Variants in KCNMB2 observed in about 807,000 individuals in gnomAD.
The protein encoded by KCNMB2 is calcium-activated potassium channel subunit beta-2.
KCNMB2 carries 9 observed loss-of-function variants against 24.5 expected under a neutral mutation model. The ratio of observed to expected loss-of-function variants is 0.37; its 90% CI spans 0.22 to 0.64. The LOEUF is 0.64. Among genes scored for constraint, KCNMB2 ranks in the 30% least tolerant of loss-of-function variants. The pLI is 0.63. For missense variants in KCNMB2, 226 were observed against 284.3 expected (o/e 0.79, Z 1.47); for synonymous variants, 109 against 104.4 (o/e 1.04, Z -0.27).
At chr3:178,725,987 A>T (rs1722955391) in intron 1 of KCNMB2, among the ~76,000 whole-genome samples, 1 of 151,028 alleles carries the variant, frequency 6.6e-6, no homozygotes, top group African/African-American at 2.4e-5. Flanking sequence ...TGTTTTCTCT[A>T]TTTTTCATTC....
At chr3:178,730,927 A>T (rs1393584459) in intron 1 of KCNMB2, among the ~76,000 whole-genome samples, 4 of 152,202 alleles carry the variant, frequency 2.6e-5, no homozygotes, top group Non-Finnish European at 5.9e-5. Flanking sequence ...GCTCACTGTT[A>T]TTCATTCACT....
chr3:178,594,757 TAAAA>T (rs570195623), intron 1 of KCNMB2, among the ~76,000 whole-genome samples: 11 of 151,770 alleles, frequency 7.2e-5, no homozygotes, highest in African/African-American at 2.7e-4. Context: ...TGAGTATAGA[TAAAA>T]AAGAGGAATG....
At chr3:178,600,028 C>T (rs2108506786) in intron 1 of KCNMB2, among the ~76,000 whole-genome samples, 1 of 152,184 alleles carries the variant, frequency 6.6e-6, no homozygotes, top group South Asian at 2.1e-4. Context: ...CAGGTGTGTG[C>T]CACCATGCCC....
chr3:178,787,764 C>T (rs998682713), intron 1 of KCNMB2, among the ~76,000 whole-genome samples: 3 of 151,902 alleles, frequency 2.0e-5, no homozygotes. Context: ...AGTTTTGGTA[C>T]TTCATTTGCC....
intron 1 of KCNMB2, among the ~76,000 whole-genome samples, chr3:178,758,492 T>G (rs1357153104): frequency 5.5e-5 from 1 of 18,042 alleles, no homozygotes; most frequent in Non-Finnish European, 9.0e-5. Context: ...AAGAGGTGAT[T>G]GATATATATA....
In KCNMB2 at chr3:178,842,907, A is replaced by C; in HGVS notation, c.678A>C (p.Leu226=). The change falls in exon 5 of 5, where the codon CTA becomes CTC. Residue 226 remains leucine, a synonymous_variant. Coordinates refer to ENST00000452583, the MANE Select transcript of KCNMB2 (RefSeq NM_181361.3). ...AACTTACACAGTACCTCTCCCTACT[A>C]TGTGAGAGGATCCAACGGATCAATA... The part of the protein sequence containing the change: ...MVKLTQYLSL[L]CERIQRINR 6.2e-7 allele frequency: 1 copy of C among 1,613,102 alleles called. No homozygotes were observed.
intron 4 of KCNMB2, 116 bp downstream of exon 4, chr3:178,828,489 C>T (rs539921579): frequency 1.6e-5 from 11 of 670,344 alleles, no homozygotes; most frequent in African/African-American, 1.1e-4. Context: ...GGAAGCAGAG[C>T]CTGCCTCTTC....
chr3:178,635,754 A>G (rs1364136496), intron 1 of KCNMB2, among the ~76,000 whole-genome samples: 1 of 152,208 alleles, frequency 6.6e-6, no homozygotes, highest in African/African-American at 2.4e-5. Context: ...CTGTGTCTAT[A>G]TGGTGACATT....
intron 1 of KCNMB2, among the ~76,000 whole-genome samples, chr3:178,622,724 A>C (rs76997804): frequency 0.08 from 12,113 of 152,184 alleles, 568 homozygotes; most frequent in Middle Eastern, 0.21. Context: ...CCCCCATAGC[A>C]TCTGGTGGTG....
At chr3:178,626,713 C>T (rs1051085883) in intron 1 of KCNMB2, among the ~76,000 whole-genome samples, 1 of 151,998 alleles carries the variant, frequency 6.6e-6, no homozygotes, top group Non-Finnish European at 1.5e-5. Flanking sequence ...CTCCTCACCA[C>T]GTCTCTCCCT....
chr3:178,644,690 T>C (rs1051749651), intron 1 of KCNMB2, among the ~76,000 whole-genome samples: 1 of 152,216 alleles, frequency 6.6e-6, no homozygotes, highest in East Asian at 1.9e-4. Flanking sequence ...CATAGACCCA[T>C]GCTTTTATTT....
chr3:178,612,624 T>C (rs1718521358), intron 1 of KCNMB2, among the ~76,000 whole-genome samples: 1 of 152,190 alleles, frequency 6.6e-6, no homozygotes, highest in South Asian at 2.1e-4. Context: ...AGTCTATGTT[T>C]GTCTTCATAG....
chr3:178,630,263 C>T (rs988148721), intron 1 of KCNMB2, among the ~76,000 whole-genome samples: 3 of 152,178 alleles, frequency 2.0e-5, no homozygotes, highest in Admixed American at 2.0e-4. Flanking sequence ...CCACAATTTC[C>T]AGCAATACTC....
intron 1 of KCNMB2, among the ~76,000 whole-genome samples, chr3:178,625,017 C>G (rs958355332): frequency 1.4e-4 from 22 of 152,050 alleles, no homozygotes; most frequent in Admixed American, 1.4e-3. Context: ...AGGGGGTGAA[C>G]AGCAGGGCAA....
At chr3:178,655,116 C>CTCTCTCTG (rs1364259515) in intron 1 of KCNMB2, among the ~76,000 whole-genome samples, 1 of 149,032 alleles carries the variant, frequency 6.7e-6, no homozygotes, top group African/African-American at 2.6e-5. Flanking sequence ...CTCTCTCTCT[C>CTCTCTCTG]TCTCTCTCTC....
chr3:178,806,328 T>C (rs926842048), intron 1 of KCNMB2, among the ~76,000 whole-genome samples: 1 of 152,184 alleles, frequency 6.6e-6, no homozygotes, highest in African/African-American at 2.4e-5. Flanking sequence ...CACAGATATA[T>C]GCATGTTCAT....
chr3:178,585,046 T>G (rs947014857), intron 1 of KCNMB2, among the ~76,000 whole-genome samples: 2 of 152,202 alleles, frequency 1.3e-5, no homozygotes, highest in Admixed American at 6.6e-5. Flanking sequence ...CTTGACAGAC[T>G]AAGAGAAGGA....
At position 178,568,846 on chromosome 3, in the gene KCNMB2, TAGATAGATGATAGATA is replaced by T. The variant is rs1195599243; in HGVS notation, c.-68+32136_-68+32151del. On this transcript the variant is annotated intron_variant, in intron 1 of 4. Transcript: ENST00000452583. ...GATAGATAGATGATAGATAGATAGATAGATAGATGATAGATAGATAGATAGATAGATAGATAGATAG... is the reference window on the plus strand; with the variant it reads ...GATAGATAGATGATAGATAGATAGATGATAGATAGATAGATAGATAGATAG... Among the ~76,000 whole-genome samples, 134 of 120,510 alleles carry T rather than the reference TAGATAGATGATAGATA, an allele frequency of 1.1e-3. 1 individual carries two copies. Among genetic ancestry groups the T allele is most frequent in the South Asian group, 2.5e-3 (9 of 3,564 alleles). The allele number at this position is 120,510 out of a possible 152,430, so 79.1% of individuals were successfully genotyped here.
rs777872775 is a variant in KCNMB2, at chr3:178,758,022, T to TCCA, written c.-67-49321_-67-49320insCCA. Among the ~76,000 whole-genome samples, 206 of 53,758 alleles carry TCCA rather than the reference T, an allele frequency of 3.8e-3. 49 individuals carry two copies. The highest frequency in any genetic ancestry group is 0.014 in the African/African-American group (162 of 11,604). The allele number at this position is 53,758 out of a possible 152,430, so 35.3% of individuals were successfully genotyped here. ...ATCTAGATATATATATATATATATC[T>TCCA]AGAGGATATATATATATATCTAGAT... On this transcript the variant is annotated intron_variant, in intron 1 of 4. Transcript: ENST00000452583.
Sources: gnomAD v4.1 joint callset for allele counts (sites outside exome capture counted in the v4.1 genomes callset) on GRCh38, gnomAD v4.1.1 for gene constraint, MANE v1.5 for transcripts, NCBI Gene and HGNC (gene_info 2026-07-23, HGNC 2026-07-21) for gene names.